Variants in TBC1D22A observed in about 807,000 individuals in gnomAD.
TBC1D22A encodes the protein TBC1 domain family member 22A.
A neutral mutation model predicts 60.2 loss-of-function variants in TBC1D22A; 38 were observed. That is an observed-to-expected ratio of 0.63 (90% CI 0.49 to 0.83). The LOEUF is 0.83. Ranked by LOEUF, TBC1D22A falls within the 40% of genes least tolerant of loss-of-function variation. The probability of loss-of-function intolerance (pLI) is 0.00; values close to 1 mark genes in which losing one functional copy is unlikely to be tolerated. For missense variants in TBC1D22A, 628 were observed against 701.0 expected, an observed-to-expected ratio of 0.90 and a Z score of 1.18; for synonymous variants, 302 against 281.7, an observed-to-expected ratio of 1.07 and a Z score of -0.72.
At chr22:46,972,305 T>C (rs1475398735) in intron 8 of TBC1D22A, among the ~76,000 whole-genome samples, 2 of 152,062 alleles carry the variant, frequency 1.3e-5, no homozygotes, top group Non-Finnish European at 2.9e-5. Context: ...CTCTCACTCA[T>C]GTCTGTGCCT....
chr22:47,009,185 G>T lies in TBC1D22A; in HGVS notation c.1201+11476G>T, dbSNP rs2061676073. ...GGGTCATGGGAGTAAAGTACTTACA[G>T]GAGTGCCTGGCACACTTAAGTCTCA... is the stretch of plus-strand genomic sequence containing the variant. On this transcript the variant is annotated intron_variant, in intron 10 of 12. Transcript: ENST00000337137. The surrounding 1 kb of genome is among the most constrained non-coding windows in gnomAD (Gnocchi z 5.8). Among the ~76,000 whole-genome samples, 1 of 152,060 alleles carries T rather than the reference G, an allele frequency of 6.6e-6. No individual in the cohort carries two copies. The highest frequency in any genetic ancestry group is 1.5e-5 in the Non-Finnish European group (1 of 68,012).
chr22:46,846,171 C>T (rs965618660), intron 4 of TBC1D22A, among the ~76,000 whole-genome samples: 2 of 152,200 alleles, frequency 1.3e-5, no homozygotes, highest in African/African-American at 4.8e-5. Context: ...TCTCCCCTCT[C>T]CTGTTACTCA....
chr22:47,013,785 C>T (rs747802730), intron 10 of TBC1D22A, among the ~76,000 whole-genome samples: 5 of 152,238 alleles, frequency 3.3e-5, no homozygotes, highest in East Asian at 1.9e-4. Flanking sequence ...TCTACCCCCT[C>T]GTCTCTCTAG....
At chr22:47,057,650 C>T (rs1038270839) in intron 11 of TBC1D22A, among the ~76,000 whole-genome samples, 1 of 152,184 alleles carries the variant, frequency 6.6e-6, no homozygotes, top group East Asian at 1.9e-4. Context: ...TCTTACATAG[C>T]GGCAGGCAAG....
intron 8 of TBC1D22A, among the ~76,000 whole-genome samples, chr22:46,960,983 C>T (rs1234187189): frequency 1.3e-5 from 2 of 148,154 alleles, no homozygotes; most frequent in Non-Finnish European, 3.0e-5. Context: ...AAAAAGATAC[C>T]CAGTCCGTAG....
At chr22:46,993,843 C>G (rs2148218602) in intron 9 of TBC1D22A, among the ~76,000 whole-genome samples, 1 of 152,274 alleles carries the variant, frequency 6.6e-6, no homozygotes, top group South Asian at 2.1e-4. Context: ...GCTTCCTGGC[C>G]CCAGAGCGGG....
rs775407172 is a variant in TBC1D22A at position 46,915,946 on chromosome 22, G to A, written c.1015+3758G>A. Reference sequence around the variant, plus strand: ...GCACTCAGAGCCCTCTCAGTGTTACGTTCTTTGACTTGGAAAGAAGGATGT... The same window carrying A: ...GCACTCAGAGCCCTCTCAGTGTTACATTCTTTGACTTGGAAAGAAGGATGT... On this transcript the variant is annotated intron_variant, in intron 8 of 12. Coordinates refer to ENST00000337137, the MANE Select transcript of TBC1D22A (RefSeq NM_014346.5). 9.0e-4 allele frequency: 398 copies of A among 443,694 alleles called. 4 individuals carry two copies. The Middle Eastern group carries it at 0.011, about 12-fold the overall frequency. 27.5% of individuals were successfully genotyped at this position (443,694 alleles called of 1,614,324 possible). A position where few individuals can be genotyped will look rare whatever the true frequency, so the allele number is the denominator to read the frequency against.
At chr22:47,173,412 T>C in intron 12 of TBC1D22A, 86 bp from the exon 13 acceptor site, 1 of 1,556,964 alleles carries the variant, frequency 6.4e-7, no homozygotes, top group South Asian at 1.2e-5. Context: ...GACCTGGGCT[T>C]GTATCTTTCC....
At chr22:46,776,588 G>A (rs1235705897) in intron 1 of TBC1D22A, among the ~76,000 whole-genome samples, 1 of 152,020 alleles carries the variant, frequency 6.6e-6, no homozygotes, top group Non-Finnish European at 1.5e-5. Flanking sequence ...TTGACCTCTT[G>A]CTGTGTGCCA....
intron 8 of TBC1D22A, among the ~76,000 whole-genome samples, chr22:46,966,637 A>G (rs1055862370): frequency 5.9e-5 from 9 of 152,234 alleles, no homozygotes; most frequent in African/African-American, 1.9e-4. Flanking sequence ...AAGTGACCTC[A>G]TCAAAACGAG....
chr22:46,801,682 G>A (rs770614936), intron 4 of TBC1D22A, among the ~76,000 whole-genome samples: 3 of 152,220 alleles, frequency 2.0e-5, no homozygotes, highest in African/African-American at 7.2e-5. Flanking sequence ...GTGGGGCCTC[G>A]GAGGGCAAAC....
chr22:47,063,073 G>C (rs1167358895), intron 11 of TBC1D22A, among the ~76,000 whole-genome samples: 4 of 152,140 alleles, frequency 2.6e-5, no homozygotes, highest in Non-Finnish European at 5.9e-5. Context: ...AACAGGATGG[G>C]CAGTTCTGGG....
intron 7 of TBC1D22A, among the ~76,000 whole-genome samples, 164 bp from the exon 8 acceptor site, chr22:46,911,910 C>A (rs1171593734): frequency 1.7e-5 from 2 of 118,752 alleles, no homozygotes; most frequent in Non-Finnish European, 3.6e-5. Flanking sequence ...CAGAGTAAGA[C>A]CCTGTCTCAA....
chr22:46,796,042 A>G (rs372735236), intron 3 of TBC1D22A, among the ~76,000 whole-genome samples: 7 of 152,242 alleles, frequency 4.6e-5, no homozygotes, highest in African/African-American at 1.7e-4. Flanking sequence ...CTGGAGCCAG[A>G]CGCCCCGGGC....
chr22:47,168,752 C>T (rs545944068), intron 12 of TBC1D22A, among the ~76,000 whole-genome samples: 1 of 151,038 alleles, frequency 6.6e-6, no homozygotes, highest in Non-Finnish European at 1.5e-5. Context: ...CTCACCCTTC[C>T]TGGGAAGGCC....
chr22:46,793,497 G>T lies in TBC1D22A; in HGVS notation c.120-4G>T. ...TACGAGTAAAGACTGCCTTTGCATT[G>T]CAGTTTGCTCAGGTCCACGGCCAAG... On this transcript the variant is annotated splice_region_variant and splice_polypyrimidine_tract_variant and intron_variant, in intron 2 of 12. Coordinates refer to ENST00000337137, the MANE Select transcript of TBC1D22A (RefSeq NM_014346.5). 1 of 1,614,068 alleles carries T rather than the reference G, an allele frequency of 6.2e-7. No individual in the cohort carries two copies.
intron 12 of TBC1D22A, among the ~76,000 whole-genome samples, chr22:47,117,745 T>A (rs938290212): frequency 1.3e-5 from 2 of 152,198 alleles, no homozygotes; most frequent in Non-Finnish European, 2.9e-5. Context: ...GTATTAAACT[T>A]GAATTTAAAA....
chr22:47,001,066 T>A (rs1382883071), intron 10 of TBC1D22A, among the ~76,000 whole-genome samples: 1 of 152,040 alleles, frequency 6.6e-6, no homozygotes, highest in Non-Finnish European at 1.5e-5. Flanking sequence ...TTAGTCAGGA[T>A]AGGGATCTGA....
chr22:46,882,480 A>C (rs74857298), intron 5 of TBC1D22A, among the ~76,000 whole-genome samples: 2 of 152,182 alleles, frequency 1.3e-5, no homozygotes, highest in Non-Finnish European at 2.9e-5. Flanking sequence ...ACATGAGCCA[A>C]CTGGGAAGCA....
Sources: allele counts gnomAD v4.1 joint callset (sites outside exome capture counted in the v4.1 genomes callset), GRCh38; gene constraint gnomAD v4.1.1; non-coding constraint Gnocchi (gnomAD v3.1); transcripts MANE v1.5; gene names NCBI Gene and HGNC (gene_info 2026-07-23, HGNC 2026-07-21).